The following MOV10L1 variants were observed in gnomAD, a reference collection of about 807,000 sequenced individuals.
MOV10L1 encodes the protein Mov10 like RNA helicase 1, also known as RNA helicase Mov10l1.
In MOV10L1, 110 loss-of-function variants were observed where a neutral mutation model predicts 143.8. The observed-to-expected ratio is 0.76, with a 90% CI of 0.66 to 0.90. The LOEUF (loss-of-function observed/expected upper bound fraction) is 0.90. Ranked by LOEUF, MOV10L1 falls within the 40% of genes least tolerant of loss-of-function variation. The pLI is 0.00. For missense variants in MOV10L1, 1,406 were observed against 1,526.8 expected (o/e 0.92, Z 1.32); for synonymous variants, 593 against 581.1 (o/e 1.02, Z -0.29).
At chr22:50,090,714 T>C (rs2062411496) in intron 1 of MOV10L1, 4 of 669,188 alleles carry the variant, frequency 6.0e-6, no homozygotes, top group Non-Finnish European at 1.0e-5. Flanking sequence ...TTCGCTCTTG[T>C]TGCCCAGGCT....
At position 50,150,647 on chromosome 22, in the gene MOV10L1, C is replaced by G. The variant is rs112499978; in HGVS notation, c.2728-88C>G. On this transcript the variant is annotated intron_variant, in intron 20 of 26. Transcript: ENST00000262794. ...GCAGCAAGAGTGAGCATGGGGCCAT[C>G]CTGCGCACAGCCCCATTCCCACCTG... The G allele has an allele frequency of 2.7e-5, 38 of 1,426,296 alleles. 2 individuals carry two copies. In the African/African-American group the frequency reaches 3.7e-4, roughly 14 times the overall value. The allele number at this position is 1,426,296 out of a possible 1,614,324, so 88.4% of individuals were successfully genotyped here.
chr22:50,098,665 C>T (rs2062658203), intron 2 of MOV10L1, among the ~76,000 whole-genome samples: 1 of 152,032 alleles, frequency 6.6e-6, no homozygotes. Context: ...TAGAGTTTTC[C>T]ACAGATGAGA....
chr22:50,155,104 T>G (rs2063391751), intron 22 of MOV10L1, among the ~76,000 whole-genome samples: 1 of 152,186 alleles, frequency 6.6e-6, no homozygotes, highest in Admixed American at 6.5e-5. Flanking sequence ...TTTCTCAGTT[T>G]AGAAGTTTCT....
At chr22:50,153,927 C>G (rs956791146) in intron 22 of MOV10L1, among the ~76,000 whole-genome samples, 1 of 152,240 alleles carries the variant, frequency 6.6e-6, no homozygotes, top group African/African-American at 2.4e-5. Context: ...CCCTTCCATG[C>G]CACGGGCCCC....
Position 50,117,340 on chromosome 22 carries a change from C to A in MOV10L1, c.1443C>A (p.Thr481=). ...LTSAKTTVVV[T]AQKRNSRRQL... is the part of the protein sequence containing the mutation. ...CCGCAAAAACTACAGTTGTTGTGAC[C>A]GCACAGAAAAGGTACCATAACTGAA... The change falls in exon 9 of 27, where the codon ACC becomes ACA. Residue 481 remains threonine, a synonymous_variant. Coordinates refer to ENST00000262794, the MANE Select transcript of MOV10L1 (RefSeq NM_018995.3). 6.2e-7 allele frequency: 1 copy of A among 1,613,378 alleles called. No homozygotes were observed. The highest frequency in any genetic ancestry group is 8.5e-7 in the Non-Finnish European group (1 of 1,179,750).
chr22:50,161,675 C>T lies in MOV10L1; in HGVS notation c.*226C>T, dbSNP rs971399917. The T allele has an allele frequency of 7.5e-5, 38 of 503,638 alleles. No individual in the cohort carries two copies. Among genetic ancestry groups the T allele is most frequent in the East Asian group, 1.6e-4 (5 of 30,400 alleles). 31.2% of individuals were successfully genotyped at this position (503,638 alleles called of 1,614,324 possible). On this transcript the variant is annotated 3_prime_UTR_variant, in exon 27 of 27. Transcript: ENST00000262794. ...TGCCGCCTACCCTGAAATAAACCCT[C>T]GAGTGACCCCCAGAAGCCTTTCCAC...
intron 13 of MOV10L1, among the ~76,000 whole-genome samples, chr22:50,130,416 T>A (rs936652370): frequency 5.3e-5 from 8 of 152,230 alleles, no homozygotes; most frequent in Non-Finnish European, 8.8e-5. Flanking sequence ...GTATTTGGGC[T>A]ACAGCCAGAT....
intron 18 of MOV10L1, among the ~76,000 whole-genome samples, chr22:50,144,490 G>A (rs1004403697): frequency 1.3e-5 from 2 of 152,176 alleles, no homozygotes; most frequent in South Asian, 4.1e-4. Context: ...TCGTAGCATT[G>A]TAAAATTATC....
chr22:50,156,307 G>A (rs1034475188), intron 22 of MOV10L1, among the ~76,000 whole-genome samples: 5 of 151,856 alleles, frequency 3.3e-5, no homozygotes, highest in African/African-American at 1.2e-4. Flanking sequence ...GTAGAGACGG[G>A]GTTTCACCAT....
intron 13 of MOV10L1, among the ~76,000 whole-genome samples, chr22:50,131,173 G>T (rs1468256889): frequency 2.6e-5 from 4 of 151,630 alleles, no homozygotes; most frequent in African/African-American, 9.7e-5. Context: ...CTCCCAAAGT[G>T]CTGGGATTAC....
chr22:50,144,313 CAG>C, intron 18 of MOV10L1, 70 bp downstream of exon 18: 2 of 1,500,758 alleles, frequency 1.3e-6, no homozygotes, highest in Non-Finnish European at 1.8e-6. Flanking sequence ...GCCAAGTGGA[CAG>C]GGGAGGGCAG....
intron 7 of MOV10L1, 101 bp downstream of exon 7, chr22:50,114,723 C>T (rs576399471): frequency 6.7e-6 from 10 of 1,502,450 alleles, no homozygotes; most frequent in African/African-American, 4.2e-5. Flanking sequence ...CCAGGACACC[C>T]GGCAGCTACA....
chr22:50,090,056 G>GGCGGTGACT lies in MOV10L1; in HGVS notation c.-25_-24insTGCGGTGAC. 1 of 1,228,088 alleles carries GGCGGTGACT rather than the reference G, an allele frequency of 8.1e-7. No individual in the cohort carries two copies. The highest frequency in any genetic ancestry group is 1.0e-6 in the Non-Finnish European group (1 of 981,422). The allele number at this position is 1,228,088 out of a possible 1,614,324, so 76.1% of individuals were successfully genotyped here. A position where few individuals can be genotyped will look rare whatever the true frequency, so the allele number is the denominator to read the frequency against. Reference sequence around the variant, plus strand: ...GCGGGCGCGTGCGGGCGGCGGCAGCGGCGGTGACGGCAGCCTAGGCCGGGC... The same window carrying GGCGGTGACT: ...GCGGGCGCGTGCGGGCGGCGGCAGCGGCGGTGACTGCGGTGACGGCAGCCTAGGCCGGGC... On this transcript the variant is annotated 5_prime_UTR_variant, in exon 1 of 27. Transcript: ENST00000262794.
At chr22:50,150,950 C>T (rs2063284493) in intron 21 of MOV10L1, 51 bp downstream of exon 21, 1 of 1,607,238 alleles carries the variant, frequency 6.2e-7, no homozygotes, top group Non-Finnish European at 8.5e-7. Context: ...CAGACACAGG[C>T]TCCAGGGCAG....
At chr22:50,108,079 C>A in intron 3 of MOV10L1, 57 bp from the exon 4 acceptor site, 2 of 1,479,978 alleles carry the variant, frequency 1.4e-6, no homozygotes, top group Non-Finnish European at 1.9e-6. Flanking sequence ...TGCACCATGA[C>A]CTCAGAATAA....
intron 2 of MOV10L1, chr22:50,093,782 A>T (rs2062516538): frequency 6.6e-6 from 1 of 152,212 alleles, no homozygotes; most frequent in Admixed American, 6.5e-5. Flanking sequence ...AAGTGTTGGG[A>T]TTACAGGCAT....
chr22:50,090,773 T>C, intron 1 of MOV10L1: 1 of 439,310 alleles, frequency 2.3e-6, no homozygotes, highest in Middle Eastern at 6.4e-4. Flanking sequence ...GCCTTCTGGG[T>C]TCAAGTGATT....
intron 5 of MOV10L1, 121 bp from the exon 6 acceptor site, chr22:50,113,527 C>T (rs2062079586): frequency 7.4e-7 from 1 of 1,350,822 alleles, no homozygotes; most frequent in African/African-American, 1.5e-5. Context: ...TGTGGAAGCC[C>T]TGCCTGTGGT....
chr22:50,122,576 G>T (rs1182142835), intron 10 of MOV10L1, among the ~76,000 whole-genome samples: 1 of 152,032 alleles, frequency 6.6e-6, no homozygotes, highest in African/African-American at 2.4e-5. Context: ...AGAACTTCTA[G>T]TACCATGATG....
Sources: allele counts gnomAD v4.1 joint callset (sites outside exome capture counted in the v4.1 genomes callset), GRCh38; gene constraint gnomAD v4.1.1; transcripts MANE v1.5; gene names NCBI Gene and HGNC (gene_info 2026-07-23, HGNC 2026-07-21).